Variants in ARHGAP29 observed in about 807,000 individuals in gnomAD.
ARHGAP29 encodes the protein rho GTPase-activating protein 29.
ARHGAP29 carries 43 observed loss-of-function variants against 122.6 expected under a neutral mutation model. That is an observed-to-expected ratio of 0.35 (90% CI 0.27 to 0.45). The LOEUF (loss-of-function observed/expected upper bound fraction) is 0.45, where lower values mean the gene tolerates loss of function less well. Among genes scored for constraint, ARHGAP29 ranks in the 20% least tolerant of loss-of-function variants. The pLI, the probability that ARHGAP29 is intolerant of heterozygous loss-of-function variation, is 1.00. For synonymous variants in ARHGAP29, 506 were observed against 497.1 expected, an observed-to-expected ratio of 1.02 and a Z score of -0.24; for missense variants, 1,303 against 1,477.2, an observed-to-expected ratio of 0.88 and a Z score of 1.93.
At chr1:94,193,109 T>C (rs950778300) in intron 12 of ARHGAP29, 3 of 151,808 alleles carry the variant, frequency 2.0e-5, no homozygotes, top group Non-Finnish European at 4.4e-5. Flanking sequence ...ATGTAAGATA[T>C]AAAGAAACAA....
chr1:94,211,086 A>G (rs1324874937), intron 3 of ARHGAP29, among the ~76,000 whole-genome samples: 1 of 151,786 alleles, frequency 6.6e-6, no homozygotes, highest in Non-Finnish European at 1.5e-5. Flanking sequence ...GAAGTTCAAG[A>G]CCAGCCTGGG....
the ARHGAP29 span, among the ~76,000 whole-genome samples, chr1:94,300,958 C>G: frequency 2.0e-5 from 3 of 152,186 alleles, no homozygotes; most frequent in Non-Finnish European, 2.9e-5. Context: ...GACACACTAA[C>G]GAGTTTGAGA....
chr1:94,294,493 G>C, the ARHGAP29 span, among the ~76,000 whole-genome samples: 7 of 152,110 alleles, frequency 4.6e-5, no homozygotes, highest in African/African-American at 7.2e-5. Flanking sequence ...TTGCTGTGTT[G>C]AGCAGGCTTA....
chr1:94,212,266 T>A (rs914599136), intron 3 of ARHGAP29, among the ~76,000 whole-genome samples: 1 of 151,798 alleles, frequency 6.6e-6, no homozygotes, highest in Non-Finnish European at 1.5e-5. Flanking sequence ...TCAAAAAATT[T>A]AAAAAAGGGA....
the ARHGAP29 span, among the ~76,000 whole-genome samples, chr1:94,305,880 A>T: frequency 6.6e-6 from 1 of 152,232 alleles, no homozygotes. Flanking sequence ...CATATGATAC[A>T]TGAGCAGAGC....
intron 15 of ARHGAP29, among the ~76,000 whole-genome samples, chr1:94,187,579 G>A (rs556861544): frequency 6.6e-6 from 1 of 152,180 alleles, no homozygotes; most frequent in African/African-American, 2.4e-5. Flanking sequence ...TTAATCCCTT[G>A]TCACTTCCAG....
rs1652912116 is a variant in ARHGAP29 at position 94,231,436 on chromosome 1, A to G, written c.176T>C (p.Leu59Ser). 6.2e-7 allele frequency: 1 copy of G among 1,613,608 alleles called. No homozygotes were observed. Among genetic ancestry groups the G allele is most frequent in the African/African-American group, 1.3e-5 (1 of 75,054 alleles). The change falls in exon 2 of 23, where the codon TTA (leucine) becomes TCA (serine). Residue 59 changes from leucine to serine, a missense_variant. Coordinates refer to ENST00000260526, the MANE Select transcript of ARHGAP29 (RefSeq NM_004815.4). ...AAATATGGCTTCTTTCAAATATAGT[A>G]ACATGTGGGAGAACTTCCTGATATC... ...VNDIRKFSHM[L>S]LYLKEAIFSD...
the ARHGAP29 span, among the ~76,000 whole-genome samples, chr1:94,314,420 G>T: frequency 6.6e-6 from 1 of 152,142 alleles, no homozygotes; most frequent in African/African-American, 2.4e-5. Flanking sequence ...CTGGGGGATT[G>T]TGCTCCCTGA....
At chr1:94,182,028 A>T (rs1468408096) in intron 19 of ARHGAP29, among the ~76,000 whole-genome samples, 1 of 152,194 alleles carries the variant, frequency 6.6e-6, no homozygotes, top group Non-Finnish European at 1.5e-5. Flanking sequence ...GGCTACTAGA[A>T]AATTTAATAC....
At chr1:94,298,978 G>C in the ARHGAP29 span, among the ~76,000 whole-genome samples, 1 of 152,168 alleles carries the variant, frequency 6.6e-6, no homozygotes, top group African/African-American at 2.4e-5. Flanking sequence ...AGGAAGCATC[G>C]GATATTGCTG....
intron 19 of ARHGAP29, among the ~76,000 whole-genome samples, chr1:94,181,780 C>T (rs1649480168): frequency 6.6e-6 from 1 of 152,140 alleles, no homozygotes; most frequent in Admixed American, 6.5e-5. Flanking sequence ...AGGTTTAGGA[C>T]TGTGCTATTA....
In ARHGAP29 at chr1:94,182,151, A is replaced by G. The variant is rs761030873; in HGVS notation, c.2247+2000T>C. On this transcript the variant is annotated intron_variant, in intron 19 of 22. Transcript: ENST00000260526. ...ATATGGCAGTCATTAAAAAAGGAAG[A>G]AAGCTGCAAAAAGAACAAAAACTAC... Among the ~76,000 whole-genome samples, 216 of 152,184 alleles carry G rather than the reference A, an allele frequency of 1.4e-3. 1 individual carries two copies. Among genetic ancestry groups the G allele is most frequent in the Admixed American group, 3.1e-3 (47 of 15,288 alleles).
intron 3 of ARHGAP29, among the ~76,000 whole-genome samples, chr1:94,214,195 G>T (rs891426028): frequency 6.6e-6 from 1 of 152,168 alleles, no homozygotes; most frequent in Non-Finnish European, 1.5e-5. Flanking sequence ...TGAGAGGAAT[G>T]ACTGAGAAAA....
chr1:94,282,562 C>T, the ARHGAP29 span, among the ~76,000 whole-genome samples: 1 of 152,100 alleles, frequency 6.6e-6, no homozygotes, highest in African/African-American at 2.4e-5. Flanking sequence ...AGGCATGAGC[C>T]ACATTACAGG....
chr1:94,272,780 G>A (rs1404899842), intron 1 of ARHGAP29, among the ~76,000 whole-genome samples: 6 of 152,038 alleles, frequency 3.9e-5, no homozygotes, highest in Admixed American at 2.0e-4. Context: ...ACCTATACCT[G>A]CTCCCTTGCC....
chr1:94,273,155 T>G (rs566587123), intron 1 of ARHGAP29, among the ~76,000 whole-genome samples: 1 of 152,320 alleles, frequency 6.6e-6, no homozygotes, highest in East Asian at 1.9e-4. Flanking sequence ...CGTCAATTCC[T>G]GTAAGACAGT....
chr1:94,171,733 C>T lies in ARHGAP29; in HGVS notation c.*2136G>A, dbSNP rs147127811. 5.9e-5 allele frequency: 9 copies of T among 152,106 alleles called. No homozygotes were observed. In the East Asian group the frequency reaches 1.7e-3, roughly 29 times the overall value. The allele number at this position is 152,106 out of a possible 1,614,324, so 9.4% of individuals were successfully genotyped here. ...AGGGAGCCCTAAAGGCAGAAAGGAC[C>T]CAAAAGTGAAATTCTCATTTTTAAG... On this transcript the variant is annotated 3_prime_UTR_variant, in exon 23 of 23. Coordinates refer to ENST00000260526, the MANE Select transcript of ARHGAP29 (RefSeq NM_004815.4).
In ARHGAP29 at chr1:94,175,758, G is replaced by A. The variant is rs558581795; in HGVS notation, c.2906-1009C>T. ...CTCACTCTGTCACCCAGGCTGGAGTGCAGTGGCATTATCTTGGCTCACTGC... is the reference window on the plus strand; with the variant it reads ...CTCACTCTGTCACCCAGGCTGGAGTACAGTGGCATTATCTTGGCTCACTGC... On this transcript the variant is annotated intron_variant, in intron 22 of 22. Coordinates refer to ENST00000260526, the MANE Select transcript of ARHGAP29 (RefSeq NM_004815.4). Among the ~76,000 whole-genome samples the A allele has an allele frequency of 1.6e-3, 249 of 152,294 alleles. 3 individuals are homozygous for A. The highest frequency in any genetic ancestry group is 2.1e-3 in the Non-Finnish European group (145 of 68,028).
chr1:94,312,307 A>G, the ARHGAP29 span, among the ~76,000 whole-genome samples: 30 of 145,808 alleles, frequency 2.1e-4, no homozygotes, highest in Middle Eastern at 3.8e-3. Flanking sequence ...ACCTATTAGC[A>G]TTGTACAAAT....
Sources: gnomAD v4.1 joint callset for allele counts (sites outside exome capture counted in the v4.1 genomes callset) on GRCh38, gnomAD v4.1.1 for gene constraint, MANE v1.5 for transcripts, NCBI Gene and HGNC (gene_info 2026-07-23, HGNC 2026-07-21) for gene names.